The following LUZP2 variants were observed in gnomAD, a reference collection of about 807,000 sequenced individuals.
The protein encoded by LUZP2 is leucine zipper protein 2.
A neutral mutation model predicts 51.6 loss-of-function variants in LUZP2; 52 were observed. The ratio of observed to expected loss-of-function variants is 1.01; its 90% CI spans 0.81 to 1.27. The LOEUF (loss-of-function observed/expected upper bound fraction) is 1.27. LUZP2 is among the 50% of genes most tolerant of loss of function. LUZP2 has a pLI of 0.00. For synonymous variants in LUZP2, 154 were observed against 137.3 expected (o/e 1.12, Z -0.85); for missense variants, 436 against 395.4 (o/e 1.10, Z -0.87).
chr11:24,892,038 C>T (rs980338770), intron 5 of LUZP2: 2 of 985,446 alleles, frequency 2.0e-6, no homozygotes, highest in Admixed American at 6.1e-5. Flanking sequence ...GTATGTATTC[C>T]AGGCTGGTTG....
intron 1 of LUZP2, among the ~76,000 whole-genome samples, chr11:24,602,598 T>C (rs1246596401): frequency 6.6e-6 from 1 of 151,630 alleles, no homozygotes; most frequent in Non-Finnish European, 1.5e-5. Context: ...TTATTTCAGA[T>C]ATCATGTGTT....
rs7930185 is a variant in LUZP2, at chr11:25,077,392, G to C, written c.922G>C (p.Glu308Gln). Residue 308 changes from glutamate (E) to glutamine (Q), a missense_variant, in exon 11 of 12, where the codon GAG (glutamate) becomes CAG (glutamine). Coordinates refer to ENST00000336930, the MANE Select transcript of LUZP2 (RefSeq NM_001009909.4). ...CCCAAGTAATGCCACTGCAGAAACC[G>C]AGCCTATCCCACAGGTATGTGTTTG... ...SPPSNATAET[E>Q]PIPQKLQMPP... 0.42 allele frequency: 673,754 copies of C among 1,605,848 alleles called. 148,397 individuals carry two copies. Among genetic ancestry groups the C allele is most frequent in the East Asian group, 0.79 (35,353 of 44,650 alleles).
At chr11:24,953,037 C>T (rs979572970) in intron 7 of LUZP2, among the ~76,000 whole-genome samples, 3 of 151,380 alleles carry the variant, frequency 2.0e-5, no homozygotes, top group Non-Finnish European at 2.9e-5. Flanking sequence ...AAAAGTCTGT[C>T]GAGAAATAGA....
chr11:24,989,556 A>G (rs889432113), intron 9 of LUZP2, among the ~76,000 whole-genome samples: 1 of 152,140 alleles, frequency 6.6e-6, no homozygotes, highest in African/African-American at 2.4e-5. Context: ...TGCAGACAGT[A>G]TAGCTTGCTT....
At chr11:24,848,555 C>T (rs1336676646) in intron 5 of LUZP2, among the ~76,000 whole-genome samples, 1 of 152,102 alleles carries the variant, frequency 6.6e-6, no homozygotes, top group Non-Finnish European at 1.5e-5. Flanking sequence ...GCCCTGCTGC[C>T]TTCTTAGTCT....
intron 5 of LUZP2, among the ~76,000 whole-genome samples, chr11:24,864,190 T>A (rs1851819647): frequency 6.6e-6 from 1 of 152,182 alleles, no homozygotes; most frequent in African/African-American, 2.4e-5. Context: ...ATGTGTTGGT[T>A]ATTACACTAA....
At chr11:24,502,647 A>T (rs1030700853) in intron 1 of LUZP2, among the ~76,000 whole-genome samples, 3 of 152,078 alleles carry the variant, frequency 2.0e-5, no homozygotes, top group African/African-American at 7.2e-5. Flanking sequence ...CGACCTGCCA[A>T]AGTGCTGGGA....
chr11:24,627,198 C>A (rs1210136738), intron 1 of LUZP2, among the ~76,000 whole-genome samples: 1 of 152,130 alleles, frequency 6.6e-6, no homozygotes, highest in African/African-American at 2.4e-5. Flanking sequence ...GGGAAATACA[C>A]TTTGGAATTA....
At chr11:24,875,930 G>A (rs867430370) in intron 5 of LUZP2, among the ~76,000 whole-genome samples, 6,044 of 149,222 alleles carry the variant, frequency 0.041, 402 homozygotes, top group African/African-American at 0.14. Context: ...CATGTCCTTT[G>A]CCCACTTTTT....
At chr11:24,756,333 G>T (rs370451620) in intron 4 of LUZP2, among the ~76,000 whole-genome samples, 1 of 152,290 alleles carries the variant, frequency 6.6e-6, no homozygotes, top group Admixed American at 6.5e-5. Context: ...TGTCAAGAAC[G>T]ATTGTCCTCA....
chr11:24,670,528 A>G (rs929780457), intron 1 of LUZP2, among the ~76,000 whole-genome samples: 11 of 152,044 alleles, frequency 7.2e-5, no homozygotes, highest in Non-Finnish European at 1.2e-4. Flanking sequence ...TTGCATTTAT[A>G]TCACCTGCCA....
At chr11:24,574,827 G>A (rs1036695114) in intron 1 of LUZP2, among the ~76,000 whole-genome samples, 1 of 152,082 alleles carries the variant, frequency 6.6e-6, no homozygotes, top group African/African-American at 2.4e-5. Flanking sequence ...ACTTTGCTGA[G>A]TTGTAACATT....
At chr11:24,796,937 C>T (rs1316659375) in intron 5 of LUZP2, among the ~76,000 whole-genome samples, 2 of 151,994 alleles carry the variant, frequency 1.3e-5, no homozygotes, top group Non-Finnish European at 2.9e-5. Context: ...GGGAGGAGGG[C>T]GAGGTTTGGA....
At chr11:24,576,061 C>T (rs560773052) in intron 1 of LUZP2, among the ~76,000 whole-genome samples, 2 of 152,114 alleles carry the variant, frequency 1.3e-5, no homozygotes, top group African/African-American at 4.8e-5. Context: ...AGTAAAGGAA[C>T]CTATACTCCT....
At chr11:24,596,819 T>G (rs1398307558) in intron 1 of LUZP2, among the ~76,000 whole-genome samples, 1 of 152,132 alleles carries the variant, frequency 6.6e-6, no homozygotes, top group Admixed American at 6.5e-5. Flanking sequence ...CTATGTACAG[T>G]CACAGGAATA....
Position 24,584,570 on chromosome 11 carries a change from T to G in LUZP2, c.62+87265T>G, listed in dbSNP as rs181347439. Among the ~76,000 whole-genome samples, 60 of 152,276 alleles carry G rather than the reference T, an allele frequency of 3.9e-4. 1 individual carries two copies. The East Asian group carries it at 9.7e-3, about 25-fold the overall frequency. ...CCTCAGTAAAGTTTTGTTGCAGTAT[T>G]GGGTTTTTCCCAGTTGTTTAGATCT... is the stretch of plus-strand genomic sequence containing the variant. On this transcript the variant is annotated intron_variant, in intron 1 of 11. Coordinates refer to ENST00000336930, the MANE Select transcript of LUZP2 (RefSeq NM_001009909.4).
intron 7 of LUZP2, among the ~76,000 whole-genome samples, chr11:24,956,304 T>G (rs749942194): frequency 6.6e-6 from 1 of 151,846 alleles, no homozygotes; most frequent in African/African-American, 2.4e-5. Flanking sequence ...AAGGAACTGA[T>G]TTTTCCCTGG....
At chr11:24,773,836 C>T (rs11827432) in intron 5 of LUZP2, among the ~76,000 whole-genome samples, 12,187 of 152,140 alleles carry the variant, frequency 0.08, 1,050 homozygotes, top group African/African-American at 0.22. Context: ...CTAGCATGGT[C>T]ATCTCCCACT....
chr11:24,728,805 C>A (rs1269073363), intron 1 of LUZP2, among the ~76,000 whole-genome samples: 1 of 151,842 alleles, frequency 6.6e-6, no homozygotes, highest in Non-Finnish European at 1.5e-5. Flanking sequence ...TAAAGGCATA[C>A]CTGAGACTGG....
Sources: allele counts gnomAD v4.1 joint callset (sites outside exome capture counted in the v4.1 genomes callset), GRCh38; gene constraint gnomAD v4.1.1; transcripts MANE v1.5; gene names NCBI Gene and HGNC (gene_info 2026-07-23, HGNC 2026-07-21).